The following ZNF248 variants were observed in gnomAD, a reference collection of about 807,000 sequenced individuals.
ZNF248 encodes the protein zinc finger protein 248, also known as KRAB protein domain.
Under a neutral mutation model 44.3 loss-of-function variants are expected in ZNF248, and 20 were observed. The ratio of observed to expected loss-of-function variants is 0.45; its 90% CI spans 0.32 to 0.66. The LOEUF is 0.66. ZNF248 is among the 30% of genes least tolerant of loss of function. The pLI, the probability that ZNF248 is intolerant of heterozygous loss-of-function variation, is 0.04. For synonymous variants in ZNF248, 224 were observed against 229.0 expected (o/e 0.98, Z 0.20); for missense variants, 654 against 677.0 (o/e 0.97, Z 0.38).
At chr10:37,835,205 C>T (rs150857958) in intron 5 of ZNF248, among the ~76,000 whole-genome samples, 7 of 151,988 alleles carry the variant, frequency 4.6e-5, no homozygotes, top group Admixed American at 2.0e-4. Flanking sequence ...AATGAGAACA[C>T]ATAGTTTTGC....
At chr10:37,804,082 T>G (rs2050171194) in intron 6 of ZNF248, 1 of 149,376 alleles carries the variant, frequency 6.7e-6, no homozygotes, top group African/African-American at 2.5e-5. Flanking sequence ...CTCTCTAAAC[T>G]TGTTTCCTTT....
rs2055732436 is a variant in ZNF248 at position 37,831,808 on chromosome 10, C to T, written c.1547G>A (p.Gly516Glu). The change falls in exon 6 of 6, where the codon GGG becomes GAG. Residue 516 changes from glycine (G) to glutamate (E), a missense_variant. Coordinates refer to ENST00000395867, the MANE Select transcript of ZNF248 (RefSeq NM_021045.3). ...NLIVHQRTHT[G>E]EKPYKCNECG... Reference sequence around the variant, plus strand: ...TTCATTACACTTATATGGTTTCTCCCCAGTGTGAGTTCTTTGATGTACAAT... The same window carrying T: ...TTCATTACACTTATATGGTTTCTCCTCAGTGTGAGTTCTTTGATGTACAAT... The T allele has an allele frequency of 6.2e-7, 1 of 1,613,174 alleles. No homozygotes were observed. Among genetic ancestry groups the T allele is most frequent in the African/African-American group, 1.3e-5 (1 of 74,858 alleles).
chr10:37,823,368 TAAC>T (rs960673033), intron 6 of ZNF248, among the ~76,000 whole-genome samples: 19 of 56,778 alleles, frequency 3.3e-4, no homozygotes, highest in Admixed American at 2.5e-3. Context: ...AAAAAGCAAA[TAAC>T]AACAGGAACT....
At chr10:37,792,444 T>C (rs913504781) in intron 6 of ZNF248, among the ~76,000 whole-genome samples, 1 of 152,222 alleles carries the variant, frequency 6.6e-6, no homozygotes, top group African/African-American at 2.4e-5. Flanking sequence ...TATATGTATT[T>C]ATCCCCACTC....
In ZNF248 at chr10:37,856,539, C is replaced by T. The variant is rs925819486; in HGVS notation, c.-125-7G>A. ...TTTATTACCAATTTAGGTTCTGTGA[C>T]ACAGAAAAATTAAAAACATGAAAAG... On this transcript the variant is annotated splice_region_variant and splice_polypyrimidine_tract_variant and intron_variant, in intron 1 of 5. Coordinates refer to ENST00000395867, the MANE Select transcript of ZNF248 (RefSeq NM_021045.3). 2.5e-6 allele frequency: 3 copies of T among 1,191,310 alleles called. No homozygotes were observed. The African/African-American group carries it at 4.8e-5, about 19-fold the overall frequency. 73.8% of individuals were successfully genotyped at this position (1,191,310 alleles called of 1,614,324 possible).
the ZNF248 span, among the ~76,000 whole-genome samples, chr10:37,766,143 A>T: frequency 6.6e-6 from 1 of 152,216 alleles, no homozygotes; most frequent in East Asian, 1.9e-4. Flanking sequence ...CCACAGCTCA[A>T]GGAGGCCTGC....
Position 37,831,728 on chromosome 10 carries a change from T to G in ZNF248, c.1627A>C (p.Thr543Pro). The change falls in exon 6 of 6, where the codon ACA (threonine) becomes CCA (proline). Residue 543 changes from threonine (T) to proline (P), a missense_variant. Coordinates refer to ENST00000395867, the MANE Select transcript of ZNF248 (RefSeq NM_021045.3). ...SALTKHQRTH[T>P]GEKPYECNAC... is the part of the protein sequence containing the mutation. ...TTACACTCATACGGCTTCTCCCCTGTGTGAGTCCTCTGATGTTTAGTGAGA... is the reference window on the plus strand; with the variant it reads ...TTACACTCATACGGCTTCTCCCCTGGGTGAGTCCTCTGATGTTTAGTGAGA... 1 of 1,613,314 alleles carries G rather than the reference T, an allele frequency of 6.2e-7. No homozygotes were observed. Among genetic ancestry groups the G allele is most frequent in the Non-Finnish European group, 8.5e-7 (1 of 1,179,300 alleles).
intron 6 of ZNF248, among the ~76,000 whole-genome samples, chr10:37,814,664 GC>G (rs2052132283): frequency 6.6e-6 from 1 of 152,126 alleles, no homozygotes; most frequent in African/African-American, 2.4e-5. Context: ...AGGATTGTTT[GC>G]TGACAGATTT....
At chr10:37,782,103 A>G (rs1316371489) in intron 6 of ZNF248, among the ~76,000 whole-genome samples, 1 of 152,236 alleles carries the variant, frequency 6.6e-6, no homozygotes, top group African/African-American at 2.4e-5. Flanking sequence ...CAAAGGCTGG[A>G]ACAGCAAAAC....
At chr10:37,836,771 T>TACAC (rs72082671) in intron 5 of ZNF248, among the ~76,000 whole-genome samples, 56 of 148,496 alleles carry the variant, frequency 3.8e-4, no homozygotes, top group African/African-American at 1.2e-3. Context: ...CACAGACATG[T>TACAC]ACACACACAC....
intron 3 of ZNF248, among the ~76,000 whole-genome samples, chr10:37,853,783 A>G (rs1179742089): frequency 2.0e-5 from 3 of 152,186 alleles, no homozygotes; most frequent in African/African-American, 7.2e-5. Flanking sequence ...AGAAACACAG[A>G]CATCTTTAAA....
At chr10:37,799,331 A>G (rs895817476) in intron 6 of ZNF248, among the ~76,000 whole-genome samples, 2 of 152,138 alleles carry the variant, frequency 1.3e-5, no homozygotes, top group Non-Finnish European at 2.9e-5. Context: ...AACCAGAAAA[A>G]CTATAAACCA....
At chr10:37,850,090 C>T (rs371982638) in intron 3 of ZNF248, among the ~76,000 whole-genome samples, 16 of 152,154 alleles carry the variant, frequency 1.1e-4, no homozygotes, top group South Asian at 1.0e-3. Flanking sequence ...AAATGGCTAA[C>T]AAAGCACCTC....
intron 3 of ZNF248, among the ~76,000 whole-genome samples, chr10:37,840,680 G>A (rs2058171101): frequency 6.6e-6 from 1 of 152,122 alleles, no homozygotes; most frequent in African/African-American, 2.4e-5. Context: ...CTACTCGGGA[G>A]GCTGAGGAAG....
chr10:37,833,165 G>C, intron 5 of ZNF248, 49 bp from the exon 6 acceptor site: 1 of 1,519,538 alleles, frequency 6.6e-7, no homozygotes, highest in Non-Finnish European at 8.7e-7. Flanking sequence ...ATACATTTCT[G>C]ATGGAATCAG....
chr10:37,818,879 C>CA, intron 6 of ZNF248: 1 of 1,054,516 alleles, frequency 9.5e-7, no homozygotes, highest in Non-Finnish European at 1.5e-6. Context: ...TGGTTATAGC[C>CA]AAAAGGCTTC....
intron 6 of ZNF248, among the ~76,000 whole-genome samples, chr10:37,789,165 A>G (rs1250883708): frequency 6.6e-6 from 1 of 152,190 alleles, no homozygotes; most frequent in Non-Finnish European, 1.5e-5. Context: ...ATTGGCGTGA[A>G]GGAATGTTTT....
At chr10:37,843,228 G>A (rs10827833) in intron 3 of ZNF248, among the ~76,000 whole-genome samples, 26,330 of 151,946 alleles carry the variant, frequency 0.17, 2,921 homozygotes, top group South Asian at 0.3. Context: ...AGACCATTCT[G>A]GCCAACATGG....
At chr10:37,834,074 A>G (rs1426035254) in intron 5 of ZNF248, among the ~76,000 whole-genome samples, 1 of 152,106 alleles carries the variant, frequency 6.6e-6, no homozygotes, top group African/African-American at 2.4e-5. Context: ...CTCAACTAGA[A>G]ACATTTTATC....
Sources: gnomAD v4.1 joint callset for allele counts (sites outside exome capture counted in the v4.1 genomes callset) on GRCh38, gnomAD v4.1.1 for gene constraint, MANE v1.5 for transcripts, NCBI Gene and HGNC (gene_info 2026-07-23, HGNC 2026-07-21) for gene names.